Variants in UBE2O observed in about 807,000 individuals in gnomAD.
UBE2O encodes the protein (E3-independent) E2 ubiquitin-conjugating enzyme.
UBE2O carries 15 observed loss-of-function variants against 125.8 expected under a neutral mutation model. The ratio of observed to expected loss-of-function variants is 0.12; its 90% CI spans 0.08 to 0.18. The LOEUF is 0.18. Among genes scored for constraint, UBE2O ranks in the 10% least tolerant of loss-of-function variants. The pLI is 1.00. For missense variants in UBE2O, 1,280 were observed against 1,723.6 expected, an observed-to-expected ratio of 0.74 and a Z score of 4.56; for synonymous variants, 708 against 703.2, an observed-to-expected ratio of 1.01 and a Z score of -0.11.
intron 1 of UBE2O, among the ~76,000 whole-genome samples, chr17:76,425,225 CAA>C (rs58377572): frequency 0.017 from 1,607 of 94,698 alleles, 8 homozygotes; most frequent in African/African-American, 0.033. Context: ...GTCCTTTCGA[CAA>C]AAAAAAAAAA....
In UBE2O at chr17:76,398,289, T is replaced by C. The variant is rs750518226; in HGVS notation, c.1991A>G (p.Asn664Ser). ...RTTDIVIRIG[N>S]TEDGAPHKED... The stretch of plus-strand genomic sequence containing the variant: ...CTTGTGAGGAGCCCCATCCTCAGTA[T>C]TGCCGATGCGGATGACGATGTCAGT... The change falls in exon 12 of 18, where the codon AAT (asparagine) becomes AGT (serine). Residue 664 changes from asparagine (N) to serine (S), a missense_variant. Transcript: ENST00000319380. The surrounding 1 kb of genome is among the most constrained non-coding windows in gnomAD (Gnocchi z 5.4). The C allele has an allele frequency of 1.4e-5, 22 of 1,614,086 alleles. No individual in the cohort carries two copies. The highest frequency in any genetic ancestry group is 6.7e-5 in the Admixed American group (4 of 60,004).
intron 1 of UBE2O, among the ~76,000 whole-genome samples, chr17:76,422,547 C>T (rs547296096): frequency 6.6e-6 from 1 of 152,358 alleles, no homozygotes; most frequent in Non-Finnish European, 1.5e-5. Flanking sequence ...ACGAGACAGT[C>T]CTGCAGGTGT....
rs1445364791 is a variant in UBE2O at position 76,389,573 on chromosome 17, A to G, written c.*1370T>C. On this transcript the variant is annotated 3_prime_UTR_variant, in exon 18 of 18. Coordinates refer to ENST00000319380, the MANE Select transcript of UBE2O (RefSeq NM_022066.4). Reference sequence around the variant, plus strand: ...TTTAATCACACAGCACTTTATACAGATATCGTAAGCAGTAGGCATTCACAT... The same window carrying G: ...TTTAATCACACAGCACTTTATACAGGTATCGTAAGCAGTAGGCATTCACAT... 1.3e-5 allele frequency: 2 copies of G among 151,882 alleles called. No homozygotes were observed. The highest frequency in any genetic ancestry group is 3.2e-3 in the Middle Eastern group (1 of 316). 9.4% of individuals were successfully genotyped at this position (151,882 alleles called of 1,614,324 possible).
chr17:76,426,040 T>C (rs2072805316), intron 1 of UBE2O, among the ~76,000 whole-genome samples: 2 of 152,204 alleles, frequency 1.3e-5, no homozygotes, highest in African/African-American at 4.8e-5. Flanking sequence ...TCTCACTCTG[T>C]CACCTAGGCT....
rs1598581350 is a variant in UBE2O, at chr17:76,395,843, T to C, written c.2828A>G (p.Lys943Arg). The C allele has an allele frequency of 1.2e-6, 2 of 1,614,092 alleles. No individual in the cohort carries two copies. The highest frequency in any genetic ancestry group is 1.7e-6 in the Non-Finnish European group (2 of 1,180,048). ...EFAPSNHSFK[K>R]IEFQPPEAKK... Reference sequence around the variant, plus strand: ...GGCTTCTGGAGGCTGGAACTCAATTTTCTTAAAAGAATGATTTGCTAGAGG... The same window carrying C: ...GGCTTCTGGAGGCTGGAACTCAATTCTCTTAAAAGAATGATTTGCTAGAGG... The change falls in exon 15 of 18, where the codon AAA becomes AGA. Residue 943 changes from lysine (K) to arginine (R), a missense_variant. Physicochemically the swap from Lys to Arg is conservative, Grantham distance 26. Coordinates refer to ENST00000319380, the MANE Select transcript of UBE2O (RefSeq NM_022066.4). This position sits in a 1 kb window ranked among gnomAD's most constrained non-coding sequence, Gnocchi z 5.0.
chr17:76,399,571 A>T lies in UBE2O; in HGVS notation c.1506T>A (p.Thr502=), dbSNP rs375168133. The change falls in exon 9 of 18, where the codon ACT becomes ACA. Residue 502 remains threonine, a synonymous_variant. Transcript: ENST00000319380. This position sits in a 1 kb window ranked among gnomAD's most constrained non-coding sequence, Gnocchi z 6.9. ...SSVTSSASST[T]SSQSGSGTSR... ...TCGTGCCGCTGCCGCTCTGGGAGGA[A>T]GTGGTGGAGCTGGCAGAGGAGGTCA... is the stretch of plus-strand genomic sequence containing the variant. 1 of 1,614,144 alleles carries T rather than the reference A, an allele frequency of 6.2e-7. No homozygotes were observed. Among genetic ancestry groups the T allele is most frequent in the Non-Finnish European group, 8.5e-7 (1 of 1,180,018 alleles).
chr17:76,395,966 G>T lies in UBE2O; in HGVS notation c.2810-105C>A, dbSNP rs764837828. On this transcript the variant is annotated intron_variant, in intron 14 of 17. Coordinates refer to ENST00000319380, the MANE Select transcript of UBE2O (RefSeq NM_022066.4). This position sits in a 1 kb window ranked among gnomAD's most constrained non-coding sequence, Gnocchi z 5.0. ...CACACCCACAGACTTCCCACTCGCC[G>T]CTGCTGGCCTCAGCACTGTGACCAC... 1.3e-6 allele frequency: 2 copies of T among 1,547,944 alleles called. No individual in the cohort carries two copies. Among genetic ancestry groups the T allele is most frequent in the Non-Finnish European group, 8.8e-7 (1 of 1,135,884 alleles).
intron 1 of UBE2O, among the ~76,000 whole-genome samples, chr17:76,411,044 G>C (rs1486235584): frequency 6.6e-6 from 1 of 151,884 alleles, no homozygotes; most frequent in South Asian, 2.1e-4. Flanking sequence ...GGTGGGGGAG[G>C]GGGTGGGTGG....
At chr17:76,392,724 G>A (rs997427829) in intron 15 of UBE2O, among the ~76,000 whole-genome samples, 4 of 152,008 alleles carry the variant, frequency 2.6e-5, no homozygotes, top group African/African-American at 4.8e-5. Context: ...AGGCCGAGAC[G>A]GGTGGATCAC....
chr17:76,418,972 T>C (rs1741976009), intron 1 of UBE2O, among the ~76,000 whole-genome samples: 1 of 152,122 alleles, frequency 6.6e-6, no homozygotes, highest in Admixed American at 6.5e-5. Context: ...GTTCCCTAGG[T>C]GAATCTGATA....
chr17:76,408,838 C>G (rs186328782), intron 1 of UBE2O, among the ~76,000 whole-genome samples: 24 of 152,276 alleles, frequency 1.6e-4, no homozygotes, highest in Admixed American at 1.3e-3. Flanking sequence ...TTAAGGGGTG[C>G]CCTGCTTGTA....
At position 76,398,191 on chromosome 17, in the gene UBE2O, C is replaced by T. The variant is rs975084807; in HGVS notation, c.2025+64G>A. ...TCCTAGAGCCACCTGGTGGCAGCAT[C>T]AGGGACTGCAGCTGGTGCACAGGGC... On this transcript the variant is annotated intron_variant, in intron 12 of 17. Transcript: ENST00000319380. The surrounding 1 kb of genome is among the most constrained non-coding windows in gnomAD (Gnocchi z 5.4). The T allele has an allele frequency of 3.1e-6, 5 of 1,607,524 alleles. No individual in the cohort carries two copies. The African/African-American group carries it at 6.7e-5, about 21-fold the overall frequency.
chr17:76,449,900 A>G (rs2073208959), intron 1 of UBE2O, among the ~76,000 whole-genome samples: 1 of 152,190 alleles, frequency 6.6e-6, no homozygotes, highest in Non-Finnish European at 1.5e-5. Context: ...AGCCTGGGCA[A>G]CAAGAGCAAA....
Position 76,452,894 on chromosome 17 carries a change from T to C in UBE2O, c.248A>G (p.His83Arg). 6.7e-7 allele frequency: 1 copy of C among 1,497,654 alleles called. No individual in the cohort carries two copies. The highest frequency in any genetic ancestry group is 8.9e-7 in the Non-Finnish European group (1 of 1,122,700). The allele number at this position is 1,497,654 out of a possible 1,614,324, so 92.8% of individuals were successfully genotyped here. The change falls in exon 1 of 18, where the codon CAC (histidine) becomes CGC (arginine). Residue 83 changes from histidine to arginine, a missense_variant. His to Arg is a conservative substitution (Grantham distance 29). Transcript: ENST00000319380. This position sits in a 1 kb window ranked among gnomAD's most constrained non-coding sequence, Gnocchi z 4.4. Reference sequence around the variant, plus strand: ...GCCCTCCGAGTCCGAGTCCTCGCCGTGGATGAGGCGCACCAGCCCGAAGTG... The same window carrying C: ...GCCCTCCGAGTCCGAGTCCTCGCCGCGGATGAGGCGCACCAGCCCGAAGTG... ...SVHFGLVRLIHGEDSDSEGEE... is the reference protein window; with the variant it reads ...SVHFGLVRLIRGEDSDSEGEE...
chr17:76,437,508 T>A (rs1284808345), intron 1 of UBE2O, among the ~76,000 whole-genome samples: 1 of 150,630 alleles, frequency 6.6e-6, no homozygotes, highest in Non-Finnish European at 1.5e-5. Flanking sequence ...CAATGTAGTA[T>A]CCTGGATTGG....
In UBE2O at chr17:76,405,458, G is replaced by A; in HGVS notation, c.477+55C>T. 3.8e-6 allele frequency: 6 copies of A among 1,559,102 alleles called. No homozygotes were observed. Among genetic ancestry groups the A allele is most frequent in the Non-Finnish European group, 5.2e-6 (6 of 1,147,232 alleles). Reference sequence around the variant, plus strand: ...CAGAGTGCGAGGTGGGCAGGCTCAAGTCCCTAAGGTGGCTGCCCCCAGGCC... The same window carrying A: ...CAGAGTGCGAGGTGGGCAGGCTCAAATCCCTAAGGTGGCTGCCCCCAGGCC... On this transcript the variant is annotated intron_variant, in intron 2 of 17. Transcript: ENST00000319380. The surrounding 1 kb of genome is among the most constrained non-coding windows in gnomAD (Gnocchi z 6.1).
rs747186133 is a variant in UBE2O at position 76,399,417 on chromosome 17, G to A, written c.1628+32C>T. ...GCACTCTGCCTGGCTTCACGCTGACGCCATTGGGGAGGGGCACAACTCTGA... is the reference window on the plus strand; with the variant it reads ...GCACTCTGCCTGGCTTCACGCTGACACCATTGGGGAGGGGCACAACTCTGA... On this transcript the variant is annotated intron_variant, in intron 9 of 17. Coordinates refer to ENST00000319380, the MANE Select transcript of UBE2O (RefSeq NM_022066.4). This position sits in a 1 kb window ranked among gnomAD's most constrained non-coding sequence, Gnocchi z 6.9. 6.3e-6 allele frequency: 10 copies of A among 1,598,296 alleles called. No individual in the cohort carries two copies. The South Asian group carries it at 8.9e-5, about 14-fold the overall frequency.
intron 1 of UBE2O, among the ~76,000 whole-genome samples, chr17:76,446,809 G>T (rs1222424102): frequency 2.0e-5 from 3 of 152,224 alleles, no homozygotes; most frequent in Non-Finnish European, 4.4e-5. Context: ...GAATAAAACT[G>T]AACTGCAGTT....
At chr17:76,407,146 G>A (rs930213014) in intron 1 of UBE2O, among the ~76,000 whole-genome samples, 3 of 152,212 alleles carry the variant, frequency 2.0e-5, no homozygotes, top group Non-Finnish European at 4.4e-5. Context: ...GAGTCACCAA[G>A]GCAGCGGACC....
Sources: allele counts gnomAD v4.1 joint callset (sites outside exome capture counted in the v4.1 genomes callset), GRCh38; gene constraint gnomAD v4.1.1; non-coding constraint Gnocchi (gnomAD v3.1); transcripts MANE v1.5; gene names NCBI Gene and HGNC (gene_info 2026-07-23, HGNC 2026-07-21).